PPM1E: variants seen among roughly 807,000 people sequenced by gnomAD.
The protein encoded by PPM1E is protein phosphatase, Mg2+/Mn2+ dependent 1E, also known as protein phosphatase 1E.
PPM1E carries 20 observed loss-of-function variants against 65.9 expected under a neutral mutation model. The observed-to-expected ratio is 0.30, with a 90% CI of 0.21 to 0.44. The LOEUF (loss-of-function observed/expected upper bound fraction) is 0.44, where lower values mean the gene tolerates loss of function less well. Ranked by LOEUF, PPM1E falls within the 20% of genes least tolerant of loss-of-function variation. The probability of loss-of-function intolerance (pLI) is 1.00; values close to 1 mark genes in which losing one functional copy is unlikely to be tolerated. For synonymous variants in PPM1E, 352 were observed against 374.9 expected, an observed-to-expected ratio of 0.94 and a Z score of 0.70; for missense variants, 713 against 953.1, an observed-to-expected ratio of 0.75 and a Z score of 3.32.
chr17:58,768,700 A>G (rs964931622), intron 1 of PPM1E, among the ~76,000 whole-genome samples: 2 of 151,830 alleles, frequency 1.3e-5, no homozygotes, highest in African/African-American at 2.4e-5. Flanking sequence ...ACAGAGTTTC[A>G]CTCTTGTTGC....
chr17:58,932,778 T>C lies in PPM1E; in HGVS notation c.465-22871T>C, dbSNP rs527900398. Among the ~76,000 whole-genome samples, 3 of 151,840 alleles carry C rather than the reference T, an allele frequency of 2.0e-5. No individual in the cohort carries two copies. The South Asian group carries it at 6.2e-4, about 32-fold the overall frequency. ...ATAGGTATGTTGGAAACAAAGCAAATGAAAAAAATAAAGCAGTTAACAACT... is the reference window on the plus strand; with the variant it reads ...ATAGGTATGTTGGAAACAAAGCAAACGAAAAAAATAAAGCAGTTAACAACT... On this transcript the variant is annotated intron_variant, in intron 1 of 6. Coordinates refer to ENST00000308249, the MANE Select transcript of PPM1E (RefSeq NM_014906.5).
chr17:58,956,385 G>A (rs1405702793), intron 2 of PPM1E, among the ~76,000 whole-genome samples: 5 of 150,982 alleles, frequency 3.3e-5, no homozygotes, highest in African/African-American at 9.7e-5. Flanking sequence ...ACAGTGAGCC[G>A]AGATCACGCC....
At chr17:58,810,158 T>A (rs551448770) in intron 1 of PPM1E, among the ~76,000 whole-genome samples, 72 of 152,288 alleles carry the variant, frequency 4.7e-4, no homozygotes, top group Non-Finnish European at 7.8e-4. Flanking sequence ...AGAGGTCTGA[T>A]TTTAGGCTTG....
At chr17:58,783,153 A>G (rs1220271470) in intron 1 of PPM1E, among the ~76,000 whole-genome samples, 1 of 152,230 alleles carries the variant, frequency 6.6e-6, no homozygotes, top group African/African-American at 2.4e-5. Context: ...GAGGTAAGCA[A>G]TGAGTAAGGA....
At chr17:58,773,301 T>G (rs570703952) in intron 1 of PPM1E, among the ~76,000 whole-genome samples, 2 of 152,198 alleles carry the variant, frequency 1.3e-5, no homozygotes, top group South Asian at 4.1e-4. Flanking sequence ...ATGTAAAACT[T>G]AGGAGGTAGA....
At chr17:58,855,648 G>A (rs533057131) in intron 1 of PPM1E, among the ~76,000 whole-genome samples, 30 of 152,254 alleles carry the variant, frequency 2.0e-4, no homozygotes, top group Admixed American at 5.9e-4. Flanking sequence ...ATTTTGCAGC[G>A]AGTTTTAGGA....
intron 1 of PPM1E, among the ~76,000 whole-genome samples, chr17:58,861,114 A>C (rs939661039): frequency 5.9e-5 from 9 of 152,154 alleles, no homozygotes; most frequent in African/African-American, 1.9e-4. Flanking sequence ...CTGGTCTTCT[A>C]TTCAGTCTTG....
chr17:58,985,062 T>C lies in PPM1E; in HGVS notation c.*4031T>C, dbSNP rs796715690. On this transcript the variant is annotated 3_prime_UTR_variant, in exon 7 of 7. Coordinates refer to ENST00000308249, the MANE Select transcript of PPM1E (RefSeq NM_014906.5). Reference sequence around the variant, plus strand: ...TACAAATCTGCTCTACATCTCACTTTTGAGTTCAGTTGTAGTCATGAGTGA... The same window carrying C: ...TACAAATCTGCTCTACATCTCACTTCTGAGTTCAGTTGTAGTCATGAGTGA... 6.5e-6 allele frequency: 1 copy of C among 152,686 alleles called. No individual in the cohort carries two copies. Among genetic ancestry groups the C allele is most frequent in the Non-Finnish European group, 1.5e-5 (1 of 68,048 alleles). 9.5% of individuals were successfully genotyped at this position (152,686 alleles called of 1,614,324 possible). A position where few individuals can be genotyped will look rare whatever the true frequency, so the allele number is the denominator to read the frequency against.
At chr17:58,863,385 C>T (rs766587581) in intron 1 of PPM1E, among the ~76,000 whole-genome samples, 11 of 152,290 alleles carry the variant, frequency 7.2e-5, no homozygotes, top group Admixed American at 2.6e-4. Context: ...TGGAACGAGC[C>T]GGCCACTTCT....
intron 1 of PPM1E, among the ~76,000 whole-genome samples, chr17:58,801,608 A>G (rs903814998): frequency 8.0e-5 from 12 of 150,088 alleles, no homozygotes; most frequent in Non-Finnish European, 1.5e-4. Context: ...GGCCTGGATA[A>G]TTTTTTCTAT....
chr17:58,882,076 T>C (rs1341874773), intron 1 of PPM1E, among the ~76,000 whole-genome samples: 4 of 143,832 alleles, frequency 2.8e-5, no homozygotes, highest in Non-Finnish European at 4.5e-5. Flanking sequence ...GAGGCTGAGG[T>C]GGAAGTATCA....
intron 1 of PPM1E, among the ~76,000 whole-genome samples, chr17:58,866,639 C>T (rs535987901): frequency 6.6e-6 from 1 of 152,304 alleles, no homozygotes; most frequent in African/African-American, 2.4e-5. Context: ...TCCATAGCTG[C>T]AGTCCTCACC....
chr17:58,953,988 C>G (rs2052278644), intron 1 of PPM1E, among the ~76,000 whole-genome samples: 1 of 152,244 alleles, frequency 6.6e-6, no homozygotes, highest in Admixed American at 6.5e-5. Context: ...TCATGATCCA[C>G]CCGCCTTGGC....
intron 1 of PPM1E, among the ~76,000 whole-genome samples, chr17:58,899,025 G>A (rs1480021987): frequency 4.0e-5 from 6 of 151,718 alleles, no homozygotes; most frequent in African/African-American, 1.5e-4. Context: ...GGGGGATGGG[G>A]GAGGGATAGC....
At chr17:58,791,214 A>G (rs1302892999) in intron 1 of PPM1E, among the ~76,000 whole-genome samples, 1 of 152,126 alleles carries the variant, frequency 6.6e-6, no homozygotes, top group Non-Finnish European at 1.5e-5. Flanking sequence ...GTTTTAAGCC[A>G]CTAAATTTGA....
intron 1 of PPM1E, among the ~76,000 whole-genome samples, chr17:58,799,660 C>A (rs1279667750): frequency 6.6e-6 from 1 of 152,092 alleles, no homozygotes; most frequent in African/African-American, 2.4e-5. Context: ...GCCAGGCTGG[C>A]CTTGAACTCC....
intron 1 of PPM1E, among the ~76,000 whole-genome samples, chr17:58,788,242 G>A (rs559188601): frequency 1.3e-5 from 2 of 152,046 alleles, no homozygotes; most frequent in Non-Finnish European, 2.9e-5. Context: ...GTAGAGACGA[G>A]GTTTCACCGT....
At chr17:58,826,304 CAAA>C (rs11479413) in intron 1 of PPM1E, among the ~76,000 whole-genome samples, 11 of 111,010 alleles carry the variant, frequency 9.9e-5, no homozygotes, top group Non-Finnish European at 1.1e-4. Flanking sequence ...GACTCGATCT[CAAA>C]AAAAAAAAAA....
At chr17:58,890,826 G>C (rs2051335929) in intron 1 of PPM1E, among the ~76,000 whole-genome samples, 1 of 151,978 alleles carries the variant, frequency 6.6e-6, no homozygotes, top group Non-Finnish European at 1.5e-5. Context: ...TACATGCCTT[G>C]TATAATATTT....
Sources: allele counts gnomAD v4.1 joint callset (sites outside exome capture counted in the v4.1 genomes callset), GRCh38; gene constraint gnomAD v4.1.1; transcripts MANE v1.5; gene names NCBI Gene and HGNC (gene_info 2026-07-23, HGNC 2026-07-21).